AGAP5: variants seen among roughly 807,000 people sequenced by gnomAD.
AGAP5 encodes the protein arf-GAP with GTPase, ANK repeat and PH domain-containing protein 5.
A neutral mutation model predicts 27.7 loss-of-function variants in AGAP5; 8 were observed. The observed-to-expected ratio is 0.29, with a 90% confidence interval of 0.17 to 0.52. The LOEUF (loss-of-function observed/expected upper bound fraction) is 0.52. Ranked by LOEUF, AGAP5 falls within the 20% of genes least tolerant of loss-of-function variation. The probability of loss-of-function intolerance (pLI) is 0.97; values close to 1 mark genes in which losing one functional copy is unlikely to be tolerated. For missense variants in AGAP5, 285 were observed against 880.8 expected, an observed-to-expected ratio of 0.32 and a Z score of 8.56; for synonymous variants, 111 against 338.0, an observed-to-expected ratio of 0.33 and a Z score of 7.37.
rs755267192 is a variant in AGAP5 at position 73,675,383 on chromosome 10, G to A, written c.1277C>T (p.Thr426Met). The A allele has an allele frequency of 2.2e-4, 354 of 1,614,092 alleles. 1 individual carries two copies. Among genetic ancestry groups the A allele is most frequent in the Admixed American group, 1.3e-4 (8 of 60,014 alleles). ...ATGQTWHFEA[T>M]TYEERDAWVQ... is the part of the protein sequence containing the mutation. ...CCAGGCATCCCGCTCCTCATACGTC[G>A]TGGCTTCAAAGTGCCATGTTTGGCC... The change falls in exon 8 of 8, where the codon ACG (threonine) becomes ATG (methionine). Residue 426 changes from threonine (T) to methionine (M), a missense_variant. By Grantham distance (81) the Thr-to-Met change is moderately conservative. Transcript: ENST00000374094.
At chr10:73,696,099 A>G (rs1170497122) in intron 2 of AGAP5, among the ~76,000 whole-genome samples, 1 of 149,598 alleles carries the variant, frequency 6.7e-6, no homozygotes, top group East Asian at 1.9e-4. Flanking sequence ...TGCAACCTCC[A>G]CCTCCCAGGT....
chr10:73,698,100 C>T lies in AGAP5; in HGVS notation c.-345G>A. The T allele has an allele frequency of 7.8e-7, 1 of 1,279,588 alleles. No homozygotes were observed. Among genetic ancestry groups the T allele is most frequent in the South Asian group, 1.5e-5 (1 of 65,414 alleles). The allele number at this position is 1,279,588 out of a possible 1,614,324, so 79.3% of individuals were successfully genotyped here. Reference sequence around the variant, plus strand: ...GGAGCTCCTCCTCCTTCTGTAGTCACCTACAGACTGAAGCCCACTGGCCCC... The same window carrying T: ...GGAGCTCCTCCTCCTTCTGTAGTCATCTACAGACTGAAGCCCACTGGCCCC... On this transcript the variant is annotated 5_prime_UTR_variant, in exon 1 of 8. The change creates a new upstream start codon in the 5' untranslated region. Coordinates refer to ENST00000374094, the MANE Select transcript of AGAP5 (RefSeq NM_001144000.4).
rs181645989 is a variant in AGAP5 at position 73,689,348 on chromosome 10, T to C, written c.396+2695A>G. On this transcript the variant is annotated intron_variant, in intron 4 of 7. Coordinates refer to ENST00000374094, the MANE Select transcript of AGAP5 (RefSeq NM_001144000.4). ...ATCTCGGCTCGCTACAACCTCCACC[T>C]TCCAGCAGCCTGCCTTGGCCTCCCA... Among the ~76,000 whole-genome samples, 735 of 152,340 alleles carry C rather than the reference T, an allele frequency of 4.8e-3. 10 individuals are homozygous for C. The highest frequency in any genetic ancestry group is 0.017 in the African/African-American group (710 of 41,566).
At chr10:73,689,235 AGCCTCG>A (rs1266583758) in intron 4 of AGAP5, among the ~76,000 whole-genome samples, 3 of 152,242 alleles carry the variant, frequency 2.0e-5, no homozygotes, top group South Asian at 4.1e-4. Context: ...GTGATCCGCC[AGCCTCG>A]GCCTCCCGAG....
At chr10:73,687,224 C>T (rs1231425845) in intron 4 of AGAP5, among the ~76,000 whole-genome samples, 3 of 152,174 alleles carry the variant, frequency 2.0e-5, no homozygotes, top group African/African-American at 4.8e-5. Flanking sequence ...TTGGGCAGGA[C>T]AAATTTTATA....
At chr10:73,677,909 C>A (rs1206904198) in intron 6 of AGAP5, among the ~76,000 whole-genome samples, 11 of 152,054 alleles carry the variant, frequency 7.2e-5, no homozygotes, top group African/African-American at 2.7e-4. Flanking sequence ...AAAAACATAG[C>A]CTGAATTTCT....
intron 4 of AGAP5, among the ~76,000 whole-genome samples, chr10:73,687,203 T>C (rs2082072099): frequency 6.6e-6 from 1 of 152,260 alleles, no homozygotes. Context: ...TTTATATTTT[T>C]CACTCTCCTT....
chr10:73,695,400 G>A (rs2082153120), intron 2 of AGAP5, among the ~76,000 whole-genome samples: 1 of 152,188 alleles, frequency 6.6e-6, no homozygotes, highest in Non-Finnish European at 1.5e-5. Context: ...AAAGGGCCAA[G>A]TGAGACTACA....
intron 6 of AGAP5, among the ~76,000 whole-genome samples, chr10:73,678,473 T>C (rs1169255372): frequency 1.3e-5 from 2 of 151,872 alleles, no homozygotes; most frequent in African/African-American, 2.4e-5. Context: ...AGCTTTCCTG[T>C]GGACTTTGAA....
At chr10:73,686,928 G>A (rs2082069278) in intron 4 of AGAP5, among the ~76,000 whole-genome samples, 1 of 152,130 alleles carries the variant, frequency 6.6e-6, no homozygotes, top group Non-Finnish European at 1.5e-5. Flanking sequence ...TAAGCTATGA[G>A]GATGCAAAGC....
At chr10:73,690,512 T>A (rs962548785) in intron 4 of AGAP5, among the ~76,000 whole-genome samples, 2 of 151,534 alleles carry the variant, frequency 1.3e-5, no homozygotes, top group African/African-American at 4.9e-5. Context: ...ACCAGAGACC[T>A]TTGTTCACTT....
rs1290832224 is a variant in AGAP5, at chr10:73,697,676, G to C, written c.80C>G (p.Ser27Cys). 6.3e-7 allele frequency: 1 copy of C among 1,599,758 alleles called. No individual in the cohort carries two copies. The highest frequency in any genetic ancestry group is 2.2e-5 in the East Asian group (1 of 44,886). The change falls in exon 1 of 8, where the codon TCT (serine) becomes TGT (cysteine). Residue 27 changes from serine to cysteine, a missense_variant. Physicochemically the swap from Ser to Cys is moderately radical, Grantham distance 112. Transcript: ENST00000374094. ...TCCTGCCTCATAGATCTCAGATTCA[G>C]AGGGACACACCGACCCCTGTTGCTG... ...FDQQQGSVCP[S>C]ESEIYEAGAG...
At chr10:73,688,484 T>C (rs1004625152) in intron 4 of AGAP5, among the ~76,000 whole-genome samples, 3 of 150,848 alleles carry the variant, frequency 2.0e-5, no homozygotes, top group Non-Finnish European at 4.4e-5. Context: ...AAGGAATTGA[T>C]AGGACCAGTC....
rs934632419 is a variant in AGAP5, at chr10:73,692,602, CTT to C, written c.362-527_362-526del. 6.5e-5 allele frequency among the ~76,000 whole-genome samples: 9 copies of C among 138,322 alleles called. No homozygotes were observed. In the East Asian group the frequency reaches 1.5e-3, roughly 23 times the overall value. 90.7% of individuals were successfully genotyped at this position (138,322 alleles called of 152,430 possible). On this transcript the variant is annotated intron_variant, in intron 3 of 7. Transcript: ENST00000374094. Reference sequence around the variant, plus strand: ...AAACAAAACAAAATTAAAAAACGGTCTTTACACAACTGGAAAGTAACCTATCT... The same window carrying C: ...AAACAAAACAAAATTAAAAAACGGTCTACACAACTGGAAAGTAACCTATCT...
At chr10:73,679,061 C>T (rs2082003531) in intron 6 of AGAP5, among the ~76,000 whole-genome samples, 1 of 145,868 alleles carries the variant, frequency 6.9e-6, no homozygotes. Context: ...CCATGTTGGT[C>T]GGGCTGGTCT....
At chr10:73,696,021 T>C (rs1264079200) in intron 2 of AGAP5, among the ~76,000 whole-genome samples, 1 of 152,170 alleles carries the variant, frequency 6.6e-6, no homozygotes, top group Non-Finnish European at 1.5e-5. Flanking sequence ...CTTTCCTTTT[T>C]TTTTTTTGTG....
rs1157411946 is a variant in AGAP5 at position 73,697,927 on chromosome 10, C to A, written c.-172G>T. The stretch of plus-strand genomic sequence containing the variant: ...ACCATCCCTGGCCCCGGCCCCGGCC[C>A]CGGCTAGGGCTGCGGGTCAAGGCCC... On this transcript the variant is annotated 5_prime_UTR_variant, in exon 1 of 8. Transcript: ENST00000374094. The A allele has an allele frequency of 1.3e-6, 2 of 1,527,420 alleles. No individual in the cohort carries two copies. The highest frequency in any genetic ancestry group is 4.9e-5 in the East Asian group (2 of 40,822). The allele number at this position is 1,527,420 out of a possible 1,614,324, so 94.6% of individuals were successfully genotyped here. A position where few individuals can be genotyped will look rare whatever the true frequency, so the allele number is the denominator to read the frequency against.
intron 4 of AGAP5, among the ~76,000 whole-genome samples, chr10:73,687,128 TAATA>T (rs796848649): frequency 3.9e-5 from 6 of 152,142 alleles, no homozygotes; most frequent in South Asian, 4.2e-4. Context: ...CCTATGGAAA[TAATA>T]AATAAATAAA....
intron 3 of AGAP5, among the ~76,000 whole-genome samples, chr10:73,692,287 G>C (rs1027153150): frequency 6.6e-6 from 1 of 151,558 alleles, no homozygotes; most frequent in African/African-American, 2.4e-5. Context: ...TTTACTTTTT[G>C]TTTCTATTAC....
Sources: gnomAD v4.1 joint callset for allele counts (sites outside exome capture counted in the v4.1 genomes callset) on GRCh38, gnomAD v4.1.1 for gene constraint, MANE v1.5 for transcripts, NCBI Gene and HGNC (gene_info 2026-07-23, HGNC 2026-07-21) for gene names.